The following KIAA0825 variants were observed in gnomAD, a reference collection of about 807,000 sequenced individuals.
KIAA0825 encodes the protein uncharacterized protein KIAA0825.
Under a neutral mutation model 147.6 loss-of-function variants are expected in KIAA0825, and 119 were observed. The observed-to-expected ratio is 0.81, with a 90% CI of 0.69 to 0.94. The LOEUF (loss-of-function observed/expected upper bound fraction) is 0.94, where lower values mean the gene tolerates loss of function less well. KIAA0825 is among the 40% of genes least tolerant of loss of function. The pLI is 0.00. For synonymous variants in KIAA0825, 470 were observed against 518.1 expected, an observed-to-expected ratio of 0.91 and a Z score of 1.26; for missense variants, 1,381 against 1,472.7, an observed-to-expected ratio of 0.94 and a Z score of 1.02.
chr5:94,344,168 A>G (rs1445195328), intron 20 of KIAA0825, among the ~76,000 whole-genome samples: 1 of 152,242 alleles, frequency 6.6e-6, no homozygotes, highest in African/African-American at 2.4e-5. Context: ...TCCCAGCATT[A>G]TTCATAATAA....
At chr5:94,220,269 G>A (rs1251157869) in intron 20 of KIAA0825, among the ~76,000 whole-genome samples, 1 of 152,126 alleles carries the variant, frequency 6.6e-6, no homozygotes, top group East Asian at 1.9e-4. Context: ...TTCTTCTGGG[G>A]CAATAACACA....
In KIAA0825 at chr5:94,539,175, G is replaced by A. The variant is rs541230243; in HGVS notation, c.-1-2048C>T. Among the ~76,000 whole-genome samples the A allele has an allele frequency of 2.0e-4, 30 of 152,252 alleles. 1 individual carries two copies. In the South Asian group the frequency reaches 3.3e-3, roughly 17 times the overall value. On this transcript the variant is annotated intron_variant, in intron 2 of 20. Transcript: ENST00000682413. The stretch of plus-strand genomic sequence containing the variant: ...GTCCTCACTGCTACACTCCCACTAT[G>A]CCATGGCAACATCAGGAAGTTACCC...
chr5:94,294,839 T>C lies in KIAA0825; in HGVS notation c.3710+89529A>G, dbSNP rs1176349539. Among the ~76,000 whole-genome samples, 5 of 152,362 alleles carry C rather than the reference T, an allele frequency of 3.3e-5. No individual in the cohort carries two copies. The East Asian group carries it at 9.6e-4, about 29-fold the overall frequency. ...TTGTGGGTAACCCAACCTTTCTCTC[T>C]GGCTGCCCTTAACATTGTTTCCTTC... On this transcript the variant is annotated intron_variant, in intron 20 of 20. Coordinates refer to ENST00000682413, the MANE Select transcript of KIAA0825 (RefSeq NM_001145678.3).
intron 1 of KIAA0825, among the ~76,000 whole-genome samples, chr5:94,613,892 CAA>C (rs1260838673): frequency 2.0e-5 from 3 of 152,178 alleles, no homozygotes; most frequent in African/African-American, 4.8e-5. Context: ...AATTTTGCAC[CAA>C]GTTTCAATTA....
chr5:94,333,788 C>T (rs1189972576), intron 20 of KIAA0825, among the ~76,000 whole-genome samples: 1 of 152,130 alleles, frequency 6.6e-6, no homozygotes, highest in African/African-American at 2.4e-5. Flanking sequence ...AAATCATAAG[C>T]ATTCCTCTAC....
chr5:94,317,164 A>C (rs1779735461), intron 20 of KIAA0825, among the ~76,000 whole-genome samples: 1 of 151,732 alleles, frequency 6.6e-6, no homozygotes, highest in Non-Finnish European at 1.5e-5. Context: ...ACCACTGTAA[A>C]AATCATCTAA....
intron 1 of KIAA0825, among the ~76,000 whole-genome samples, chr5:94,611,488 C>T (rs908316757): frequency 1.3e-5 from 2 of 151,828 alleles, no homozygotes; most frequent in African/African-American, 2.4e-5. Flanking sequence ...TGGATCTCTA[C>T]GTTTACTTAT....
At chr5:94,384,490 T>C (rs1748874345) in intron 19 of KIAA0825, 32 bp from the exon 20 acceptor site, 1 of 1,498,756 alleles carries the variant, frequency 6.7e-7, no homozygotes, top group Non-Finnish European at 9.1e-7. Flanking sequence ...GACACTATTG[T>C]TAGTTATTAA....
intron 20 of KIAA0825, among the ~76,000 whole-genome samples, chr5:94,258,634 TAACTC>T (rs1333517730): frequency 1.3e-5 from 2 of 151,976 alleles, no homozygotes; most frequent in East Asian, 3.9e-4. Context: ...ATAAAATAAA[TAACTC>T]TACTAACAAA....
chr5:94,332,740 T>C (rs1372078145), intron 20 of KIAA0825, among the ~76,000 whole-genome samples: 1 of 152,230 alleles, frequency 6.6e-6, no homozygotes, highest in African/African-American at 2.4e-5. Flanking sequence ...TTTGGGTATA[T>C]ACTCAGTAAT....
chr5:94,266,910 A>T (rs544107403), intron 20 of KIAA0825, among the ~76,000 whole-genome samples: 2 of 152,214 alleles, frequency 1.3e-5, no homozygotes, highest in East Asian at 1.9e-4. Flanking sequence ...TTAAGAATAT[A>T]TAAGAGTCCT....
chr5:94,607,463 T>A (rs1442580550), intron 1 of KIAA0825, among the ~76,000 whole-genome samples: 2 of 141,532 alleles, frequency 1.4e-5, no homozygotes, highest in Non-Finnish European at 3.1e-5. Context: ...ACAAAAATTA[T>A]CTGTGCCTGG....
intron 2 of KIAA0825, among the ~76,000 whole-genome samples, chr5:94,564,389 T>TGC (rs1157345535): frequency 2.1e-5 from 3 of 139,594 alleles, no homozygotes; most frequent in Admixed American, 2.1e-4. Flanking sequence ...TGAATTTGTG[T>TGC]GTGTGTGTGT....
intron 5 of KIAA0825, among the ~76,000 whole-genome samples, chr5:94,518,623 G>A (rs1767620704): frequency 6.6e-6 from 1 of 152,102 alleles, no homozygotes; most frequent in Non-Finnish European, 1.5e-5. Context: ...CTGTGTTCAT[G>A]AAATTGGGAT....
intron 15 of KIAA0825, among the ~76,000 whole-genome samples, chr5:94,410,198 GA>G (rs70978107): frequency 0.8 from 108,843 of 136,848 alleles, 43,089 homozygotes; most frequent in South Asian, 0.89. Context: ...AGACACTGCA[GA>G]AAAAAAAAAA....
chr5:94,290,743 C>T (rs1289044017), intron 20 of KIAA0825, among the ~76,000 whole-genome samples: 1 of 152,184 alleles, frequency 6.6e-6, no homozygotes, highest in Admixed American at 6.5e-5. Context: ...AATTTACACT[C>T]CCACCAACAG....
At chr5:94,573,664 A>T (rs553566309) in intron 2 of KIAA0825, among the ~76,000 whole-genome samples, 1 of 152,330 alleles carries the variant, frequency 6.6e-6, no homozygotes, top group East Asian at 1.9e-4. Flanking sequence ...CTTTTAGTTA[A>T]TCTCTTCAGG....
intron 20 of KIAA0825, among the ~76,000 whole-genome samples, chr5:94,321,898 C>T (rs1478994301): frequency 1.3e-5 from 2 of 151,974 alleles, no homozygotes; most frequent in African/African-American, 2.4e-5. Context: ...AATTAAATTA[C>T]AAATTATTGT....
rs183932904 is a variant in KIAA0825, at chr5:94,151,139, C to T, written c.*2868G>A. ...CTTATTATACTTAAAAAAACATGGCCGGGCGCGGTGGCTCACGCCTGTAAT... is the reference window on the plus strand; with the variant it reads ...CTTATTATACTTAAAAAAACATGGCTGGGCGCGGTGGCTCACGCCTGTAAT... On this transcript the variant is annotated 3_prime_UTR_variant, in exon 21 of 21. Coordinates refer to ENST00000682413, the MANE Select transcript of KIAA0825 (RefSeq NM_001145678.3). 6.6e-5 allele frequency among the ~76,000 whole-genome samples: 10 copies of T among 152,120 alleles called. No individual in the cohort carries two copies. Among genetic ancestry groups the T allele is most frequent in the East Asian group, 3.9e-4 (2 of 5,168 alleles).
Sources: gnomAD v4.1 joint callset for allele counts (sites outside exome capture counted in the v4.1 genomes callset) on GRCh38, gnomAD v4.1.1 for gene constraint, MANE v1.5 for transcripts, NCBI Gene and HGNC (gene_info 2026-07-23, HGNC 2026-07-21) for gene names.